Variants in MCUR1 observed in about 807,000 individuals in gnomAD.
MCUR1 encodes the protein mitochondrial calcium uniporter regulator 1.
MCUR1 carries 37 observed loss-of-function variants against 42.0 expected under a neutral mutation model. The ratio of observed to expected loss-of-function variants is 0.88; its 90% CI spans 0.68 to 1.16. MCUR1 has a LOEUF of 1.16. Among genes scored for constraint, MCUR1 ranks in the 50% most tolerant of loss-of-function variants. The pLI, the probability that MCUR1 is intolerant of heterozygous loss-of-function variation, is 0.00. For synonymous variants in MCUR1, 229 were observed against 196.2 expected (o/e 1.17, Z -1.40); for missense variants, 469 against 468.4 (o/e 1.00, Z -0.01).
chr6:13,791,961 G>C lies in MCUR1; in HGVS notation c.941C>G (p.Thr314Arg). Reference sequence around the variant, plus strand: ...AACCTCAGTTTCGATCTTCCTGTCTGTCTGGGTAAGGGCCCGATCTTGCTG... The same window carrying C: ...AACCTCAGTTTCGATCTTCCTGTCTCTCTGGGTAAGGGCCCGATCTTGCTG... ...HAQQDRALTQ[T>R]DRKIETEVAG... Residue 314 changes from threonine (T) to arginine (R), a missense_variant, in exon 8 of 9, where the codon ACA (threonine) becomes AGA (arginine). Coordinates refer to ENST00000379170, the MANE Select transcript of MCUR1 (RefSeq NM_001031713.4). The C allele has an allele frequency of 6.2e-7, 1 of 1,614,006 alleles. No individual in the cohort carries two copies. The highest frequency in any genetic ancestry group is 8.5e-7 in the Non-Finnish European group (1 of 1,179,966).
chr6:13,806,926 A>G lies in MCUR1; in HGVS notation c.534T>C (p.Asn178=). Reference sequence around the variant, plus strand: ...AAATGACGAATGACAGAGGATTACCATTGTCTTCCAGTAAGCACACTAAGG... The same window carrying G: ...AAATGACGAATGACAGAGGATTACCGTTGTCTTCCAGTAAGCACACTAAGG... ...THALVCLLED[N]GFATQQAEII... Residue 178 remains asparagine (N), a splice_region_variant and synonymous_variant, in exon 2 of 9, where the codon AAT becomes AAC. Coordinates refer to ENST00000379170, the MANE Select transcript of MCUR1 (RefSeq NM_001031713.4). 1 of 1,599,998 alleles carries G rather than the reference A, an allele frequency of 6.3e-7. No individual in the cohort carries two copies. Among genetic ancestry groups the G allele is most frequent in the South Asian group, 1.1e-5 (1 of 89,628 alleles).
At chr6:13,801,095 G>A (rs572621177) in intron 4 of MCUR1, among the ~76,000 whole-genome samples, 193 bp downstream of exon 4, 6 of 152,322 alleles carry the variant, frequency 3.9e-5, no homozygotes, top group African/African-American at 7.2e-5. Context: ...TTCCTCTGGG[G>A]CAGGAGCAAC....
intron 6 of MCUR1, among the ~76,000 whole-genome samples, chr6:13,797,120 A>G (rs1328376042): frequency 6.6e-6 from 1 of 152,232 alleles, no homozygotes; most frequent in Non-Finnish European, 1.5e-5. Flanking sequence ...CCAAAACACA[A>G]GTAGGTTACT....
Position 13,806,935 on chromosome 6 carries a change from C to T in MCUR1, c.525G>A (p.Leu175=), listed in dbSNP as rs1184129051. The T allele has an allele frequency of 1.9e-6, 3 of 1,605,780 alleles. No homozygotes were observed. Among genetic ancestry groups the T allele is most frequent in the Non-Finnish European group, 2.6e-6 (3 of 1,174,404 alleles). ...YFDTHALVCL[L]EDNGFATQQA... is the part of the protein sequence containing the mutation. ...ATGACAGAGGATTACCATTGTCTTC[C>T]AGTAAGCACACTAAGGCATGAGTGT... The change falls in exon 2 of 9, where the codon CTG becomes CTA. Residue 175 remains leucine, a synonymous_variant. Coordinates refer to ENST00000379170, the MANE Select transcript of MCUR1 (RefSeq NM_001031713.4).
At chr6:13,801,998 A>G (rs529778761) in intron 3 of MCUR1, among the ~76,000 whole-genome samples, 1 of 152,298 alleles carries the variant, frequency 6.6e-6, no homozygotes, top group Admixed American at 6.5e-5. Flanking sequence ...TCCATTTATT[A>G]AAGTATATTT....
rs974678042 is a variant in MCUR1 at position 13,798,136 on chromosome 6, C to T, written c.855+697G>A. 4.6e-5 allele frequency among the ~76,000 whole-genome samples: 7 copies of T among 151,806 alleles called. No individual in the cohort carries two copies. The South Asian group carries it at 1.5e-3, about 32-fold the overall frequency. On this transcript the variant is annotated intron_variant, in intron 6 of 8. Coordinates refer to ENST00000379170, the MANE Select transcript of MCUR1 (RefSeq NM_001031713.4). ...TTGAGATGGAGTTTTGCTCTTGTCACCCAGGCTAGAGAGCAGTGGCACAAT... is the reference window on the plus strand; with the variant it reads ...TTGAGATGGAGTTTTGCTCTTGTCATCCAGGCTAGAGAGCAGTGGCACAAT...
chr6:13,802,753 A>G (rs1056940054), intron 2 of MCUR1, among the ~76,000 whole-genome samples: 1 of 152,194 alleles, frequency 6.6e-6, no homozygotes, highest in African/African-American at 2.4e-5. Context: ...GTTTCTCTGC[A>G]TTATGTAGAT....
At chr6:13,807,189 G>C in intron 1 of MCUR1, 145 bp from the exon 2 acceptor site, 2 of 857,338 alleles carry the variant, frequency 2.3e-6, no homozygotes, top group Non-Finnish European at 3.4e-6. Context: ...CCAATTTCAA[G>C]CATACAGTTC....
chr6:13,788,271 T>C lies in MCUR1; in HGVS notation c.*2538A>G, dbSNP rs1759646094. On this transcript the variant is annotated 3_prime_UTR_variant, in exon 9 of 9. Coordinates refer to ENST00000379170, the MANE Select transcript of MCUR1 (RefSeq NM_001031713.4). Reference sequence around the variant, plus strand: ...ACACTTGTATTTTGGGCTCAAATGGTTTTCAAATAAAATACATCTGACCAA... The same window carrying C: ...ACACTTGTATTTTGGGCTCAAATGGCTTTCAAATAAAATACATCTGACCAA... 6.6e-6 allele frequency: 1 copy of C among 151,938 alleles called. No individual in the cohort carries two copies. Among genetic ancestry groups the C allele is most frequent in the South Asian group, 2.1e-4 (1 of 4,810 alleles). 9.4% of individuals were successfully genotyped at this position (151,938 alleles called of 1,614,324 possible). A position where few individuals can be genotyped will look rare whatever the true frequency, so the allele number is the denominator to read the frequency against.
chr6:13,812,145 C>G (rs566407032), intron 1 of MCUR1, among the ~76,000 whole-genome samples: 2 of 152,234 alleles, frequency 1.3e-5, no homozygotes, highest in Admixed American at 6.5e-5. Flanking sequence ...TTCAGCATAT[C>G]AAGAGAATAT....
At position 13,800,393 on chromosome 6, in the gene MCUR1, A is replaced by G; in HGVS notation, c.742-11T>C. ...TTCGAGTTTTATTTTCTAAAAACAC[A>G]TAAAAAAAAAGTCATTAGAAAGAAC... On this transcript the variant is annotated splice_polypyrimidine_tract_variant and intron_variant, in intron 4 of 8. Transcript: ENST00000379170. 1 of 1,423,268 alleles carries G rather than the reference A, an allele frequency of 7.0e-7. No individual in the cohort carries two copies. The highest frequency in any genetic ancestry group is 1.4e-5 in the African/African-American group (1 of 69,644). 88.2% of individuals were successfully genotyped at this position (1,423,268 alleles called of 1,614,324 possible). A position where few individuals can be genotyped will look rare whatever the true frequency, so the allele number is the denominator to read the frequency against.
intron 6 of MCUR1, among the ~76,000 whole-genome samples, chr6:13,797,881 A>T (rs1759892446): frequency 6.7e-6 from 1 of 149,232 alleles, no homozygotes; most frequent in Non-Finnish European, 1.5e-5. Context: ...AAAACTAGCC[A>T]GGTGTGGTGG....
chr6:13,802,430 A>C, intron 2 of MCUR1, 84 bp from the exon 3 acceptor site: 1 of 1,061,174 alleles, frequency 9.4e-7, no homozygotes. Flanking sequence ...GAATGTCCAA[A>C]TCCAGGAGGA....
At chr6:13,795,758 G>A (rs1266531369) in intron 6 of MCUR1, among the ~76,000 whole-genome samples, 4 of 152,050 alleles carry the variant, frequency 2.6e-5, no homozygotes, top group Admixed American at 2.6e-4. Context: ...GGTGGGTGAG[G>A]GGCAAGACTA....
intron 2 of MCUR1, 24 bp from the exon 3 acceptor site, chr6:13,802,370 A>G: frequency 6.3e-7 from 1 of 1,591,436 alleles, no homozygotes; most frequent in Non-Finnish European, 8.6e-7. Context: ...CAAGCAAAAA[A>G]AATCATGCTC....
rs1207987974 is a variant in MCUR1 at position 13,788,046 on chromosome 6, C to T, written c.*2763G>A. 6.6e-6 allele frequency: 1 copy of T among 152,128 alleles called. No individual in the cohort carries two copies. The highest frequency in any genetic ancestry group is 1.5e-5 in the Non-Finnish European group (1 of 68,036). The allele number at this position is 152,128 out of a possible 1,614,324, so 9.4% of individuals were successfully genotyped here. A position where few individuals can be genotyped will look rare whatever the true frequency, so the allele number is the denominator to read the frequency against. On this transcript the variant is annotated 3_prime_UTR_variant, in exon 9 of 9. Coordinates refer to ENST00000379170, the MANE Select transcript of MCUR1 (RefSeq NM_001031713.4). Reference sequence around the variant, plus strand: ...TACAGGGGTGTGCCACCACGCCTGGCTAATTTTTCTATTTTTAGTAGCGAG... The same window carrying T: ...TACAGGGGTGTGCCACCACGCCTGGTTAATTTTTCTATTTTTAGTAGCGAG...
chr6:13,802,663 G>T (rs926747764), intron 2 of MCUR1, among the ~76,000 whole-genome samples: 46 of 152,118 alleles, frequency 3.0e-4, no homozygotes, highest in Non-Finnish European at 3.4e-4. Flanking sequence ...GTGAAAAAAG[G>T]CAAGACTCAA....
At position 13,802,355 on chromosome 6, in the gene MCUR1, G is replaced by A. The variant is rs931313855; in HGVS notation, c.536-9C>T. ...TTGTTGAGTAGCAAACCCTAAGCAA[G>A]CACACAAGCAAAAAAAATCATGCTC... On this transcript the variant is annotated splice_polypyrimidine_tract_variant and intron_variant, in intron 2 of 8. Coordinates refer to ENST00000379170, the MANE Select transcript of MCUR1 (RefSeq NM_001031713.4). The A allele has an allele frequency of 1.9e-6, 3 of 1,607,176 alleles. No homozygotes were observed. The highest frequency in any genetic ancestry group is 2.7e-5 in the African/African-American group (2 of 74,634).
chr6:13,800,383 C>A lies in MCUR1; in HGVS notation c.742-1G>T. ...ACTGATGTAGTTCGAGTTTTATTTTCTAAAAACACATAAAAAAAAAGTCAT... is the reference window on the plus strand; with the variant it reads ...ACTGATGTAGTTCGAGTTTTATTTTATAAAAACACATAAAAAAAAAGTCAT... On this transcript the variant is annotated splice_acceptor_variant, in intron 4 of 8. Transcript: ENST00000379170. LOFTEE classifies it high-confidence loss of function. The A allele has an allele frequency of 6.7e-7, 1 of 1,487,926 alleles. No individual in the cohort carries two copies. Among genetic ancestry groups the A allele is most frequent in the Non-Finnish European group, 9.2e-7 (1 of 1,089,538 alleles). The allele number at this position is 1,487,926 out of a possible 1,614,324, so 92.2% of individuals were successfully genotyped here.
Sources: allele counts gnomAD v4.1 joint callset (sites outside exome capture counted in the v4.1 genomes callset), GRCh38; gene constraint gnomAD v4.1.1; transcripts MANE v1.5; gene names NCBI Gene and HGNC (gene_info 2026-07-23, HGNC 2026-07-21).